ANKRD44: variants seen among roughly 807,000 people sequenced by gnomAD.
ANKRD44 encodes serine/threonine-protein phosphatase 6 regulatory ankyrin repeat subunit B.
A neutral mutation model predicts 116.0 loss-of-function variants in ANKRD44; 35 were observed. The observed-to-expected ratio is 0.30, with a 90% CI of 0.23 to 0.40. ANKRD44 has a LOEUF of 0.40. ANKRD44 is among the 10% of genes least tolerant of loss of function. ANKRD44 has a pLI of 1.00. For synonymous variants in ANKRD44, 435 were observed against 461.8 expected (o/e 0.94, Z 0.74); for missense variants, 1,014 against 1,242.6 (o/e 0.82, Z 2.77).
Position 197,114,598 on chromosome 2 carries a change from T to C in ANKRD44, c.907-3754A>G, listed in dbSNP as rs140120240. Among the ~76,000 whole-genome samples the C allele has an allele frequency of 2.9e-3, 439 of 152,352 alleles. 1 individual carries two copies. The highest frequency in any genetic ancestry group is 0.017 in the East Asian group (86 of 5,190). ...TTATTCCTAATGCCTTCTTTCCTCATCTTCCAATATCCCATATACGTTCCC... is the reference window on the plus strand; with the variant it reads ...TTATTCCTAATGCCTTCTTTCCTCACCTTCCAATATCCCATATACGTTCCC... On this transcript the variant is annotated intron_variant, in intron 8 of 27. Transcript: ENST00000282272.
At chr2:197,138,823 T>A (rs914994452) in intron 3 of ANKRD44, among the ~76,000 whole-genome samples, 4 of 152,218 alleles carry the variant, frequency 2.6e-5, no homozygotes, top group Non-Finnish European at 5.9e-5. Flanking sequence ...AGAGCTGGAA[T>A]TATTTTTATT....
intron 16 of ANKRD44, among the ~76,000 whole-genome samples, chr2:197,033,348 G>A (rs752609056): frequency 6.6e-6 from 1 of 152,094 alleles, no homozygotes; most frequent in Non-Finnish European, 1.5e-5. Flanking sequence ...AGGTGATGGT[G>A]GTGGTGATAA....
At chr2:197,219,723 T>C (rs1295961028) in intron 1 of ANKRD44, among the ~76,000 whole-genome samples, 1 of 152,146 alleles carries the variant, frequency 6.6e-6, no homozygotes, top group Non-Finnish European at 1.5e-5. Flanking sequence ...ATGGATCATG[T>C]GGTGTAAATC....
chr2:197,121,961 G>C (rs774851428), intron 7 of ANKRD44, among the ~76,000 whole-genome samples: 32 of 152,130 alleles, frequency 2.1e-4, no homozygotes, highest in Non-Finnish European at 4.6e-4. Context: ...GAGATGGCAG[G>C]GGAGGTGGCT....
chr2:197,011,379 T>C lies in ANKRD44; in HGVS notation c.1924+2132A>G, dbSNP rs73049620. 6.0e-3 allele frequency among the ~76,000 whole-genome samples: 910 copies of C among 152,288 alleles called. 14 individuals are homozygous for C. The highest frequency in any genetic ancestry group is 0.021 in the African/African-American group (871 of 41,556). ...ACTTCATATAACTCACCCAATGTGT[T>C]AGATAGCAAAACAGTTTCTACAGTT... is the stretch of plus-strand genomic sequence containing the variant. On this transcript the variant is annotated intron_variant, in intron 18 of 27. Coordinates refer to ENST00000282272, the MANE Select transcript of ANKRD44 (RefSeq NM_001195144.2).
intron 16 of ANKRD44, among the ~76,000 whole-genome samples, chr2:197,035,803 G>A (rs1256899257): frequency 6.6e-6 from 1 of 151,700 alleles, no homozygotes; most frequent in Non-Finnish European, 1.5e-5. Context: ...AGAACGGGGG[G>A]CTGAGTCTGC....
At chr2:197,270,660 C>A (rs1457678637) in intron 1 of ANKRD44, among the ~76,000 whole-genome samples, 1 of 152,152 alleles carries the variant, frequency 6.6e-6, no homozygotes, top group Non-Finnish European at 1.5e-5. Flanking sequence ...GAGCCATTTC[C>A]CAAGGGCCTC....
chr2:197,017,402 G>A (rs992291511), intron 17 of ANKRD44, among the ~76,000 whole-genome samples: 2 of 152,118 alleles, frequency 1.3e-5, no homozygotes, highest in Non-Finnish European at 2.9e-5. Context: ...TGGTTTGAAT[G>A]TTTCTTCCTG....
chr2:197,098,532 C>A (rs2078215533), intron 10 of ANKRD44, among the ~76,000 whole-genome samples: 1 of 152,176 alleles, frequency 6.6e-6, no homozygotes, highest in South Asian at 2.1e-4. Flanking sequence ...AGACTCTGAT[C>A]AAGGCTAAAC....
chr2:197,086,283 T>C (rs2077920686), intron 13 of ANKRD44, among the ~76,000 whole-genome samples: 1 of 152,212 alleles, frequency 6.6e-6, no homozygotes. Context: ...GTGCACTTAA[T>C]GTTTTAAACA....
chr2:197,207,705 C>T (rs557005333), intron 1 of ANKRD44, among the ~76,000 whole-genome samples: 1 of 152,246 alleles, frequency 6.6e-6, no homozygotes, highest in South Asian at 2.1e-4. Context: ...AAAGGGAGCA[C>T]ACACCCCAGA....
At chr2:197,257,647 G>A (rs1410511890) in intron 1 of ANKRD44, among the ~76,000 whole-genome samples, 1 of 152,116 alleles carries the variant, frequency 6.6e-6, no homozygotes, top group East Asian at 1.9e-4. Context: ...CATTCTCCAT[G>A]ATGTACTTAT....
chr2:197,260,352 T>C (rs533597966), intron 1 of ANKRD44, among the ~76,000 whole-genome samples: 25 of 152,276 alleles, frequency 1.6e-4, no homozygotes, highest in East Asian at 3.9e-4. Context: ...TTTGTCCTTG[T>C]GATATTTTGC....
intron 21 of ANKRD44, among the ~76,000 whole-genome samples, chr2:196,979,554 C>CCTTTTTTTTTTTTTTTTTTTT (rs2075785197): frequency 3.4e-5 from 2 of 59,634 alleles, no homozygotes; most frequent in African/African-American, 1.3e-4. Flanking sequence ...AATAAGATGA[C>CCTTTTTTTTTTTTTTTTTTTT]TTTTTTTTTT....
At chr2:197,063,587 C>G (rs1286254614) in intron 16 of ANKRD44, among the ~76,000 whole-genome samples, 1 of 152,098 alleles carries the variant, frequency 6.6e-6, no homozygotes, top group African/African-American at 2.4e-5. Flanking sequence ...ACTGGAAAAA[C>G]CAGTGTAGAG....
chr2:197,156,525 CT>C (rs796409317), intron 2 of ANKRD44, among the ~76,000 whole-genome samples: 64 of 152,330 alleles, frequency 4.2e-4, no homozygotes, highest in African/African-American at 1.4e-3. Context: ...GATATAGTCA[CT>C]TTGAAAAACA....
At chr2:197,000,268 A>G in intron 23 of ANKRD44, 151 bp downstream of exon 23, 1 of 631,892 alleles carries the variant, frequency 1.6e-6, no homozygotes, top group Non-Finnish European at 2.7e-6. Context: ...TTAGAGGGAA[A>G]TTTATTTTAA....
intron 1 of ANKRD44, among the ~76,000 whole-genome samples, chr2:197,283,954 G>A (rs1280249748): frequency 1.3e-5 from 2 of 152,132 alleles, no homozygotes. Flanking sequence ...ACTTAACTAG[G>A]CACGAGGTAC....
chr2:197,181,471 A>G (rs1407921845), intron 2 of ANKRD44, among the ~76,000 whole-genome samples: 1 of 152,190 alleles, frequency 6.6e-6, no homozygotes, highest in Non-Finnish European at 1.5e-5. Flanking sequence ...TTGGGACTAT[A>G]ATCTTTCACA....
Sources: allele counts gnomAD v4.1 joint callset (sites outside exome capture counted in the v4.1 genomes callset), GRCh38; gene constraint gnomAD v4.1.1; transcripts MANE v1.5; gene names NCBI Gene and HGNC (gene_info 2026-07-23, HGNC 2026-07-21).